The following SLC39A8 variants were observed in gnomAD, a reference collection of about 807,000 sequenced individuals.
SLC39A8 encodes the protein metal cation symporter ZIP8.
SLC39A8 carries 15 observed loss-of-function variants against 40.4 expected under a neutral mutation model. That is an observed-to-expected ratio of 0.37 (90% confidence interval 0.25 to 0.57). SLC39A8 has a LOEUF of 0.57. Ranked by LOEUF, SLC39A8 falls within the 20% of genes least tolerant of loss-of-function variation. The pLI, the probability that SLC39A8 is intolerant of heterozygous loss-of-function variation, is 0.75. For missense variants in SLC39A8, 472 were observed against 558.8 expected, an observed-to-expected ratio of 0.84 and a Z score of 1.57; for synonymous variants, 223 against 221.6, an observed-to-expected ratio of 1.01 and a Z score of -0.06.
intron 6 of SLC39A8, among the ~76,000 whole-genome samples, chr4:102,286,229 G>A (rs946841847): frequency 6.6e-6 from 1 of 152,126 alleles, no homozygotes; most frequent in African/African-American, 2.4e-5. Context: ...TCTTTCTGAT[G>A]AGCAGAATAA....
intron 6 of SLC39A8, among the ~76,000 whole-genome samples, chr4:102,302,369 T>A (rs1427888016): frequency 6.6e-6 from 1 of 151,934 alleles, no homozygotes; most frequent in Admixed American, 6.6e-5. Flanking sequence ...AACCACAATC[T>A]CACTATAATC....
At chr4:102,314,034 C>G (rs76842556) in intron 3 of SLC39A8, among the ~76,000 whole-genome samples, 82 of 152,144 alleles carry the variant, frequency 5.4e-4, no homozygotes, top group African/African-American at 1.8e-3. Context: ...AAAGCAACCA[C>G]GCCAAAAATT....
exon 12 of SLC39A8, chr4:102,251,801 A>T (rs1731598375): frequency 1.3e-5 from 2 of 152,258 alleles, no homozygotes; most frequent in Admixed American, 6.5e-5. Flanking sequence ...CTCATCATTG[A>T]TAGGGAGAAT....
At position 102,262,042 on chromosome 4, in the gene SLC39A8, T is replaced by G; in HGVS notation, c.*1002A>C. 1 of 985,942 alleles carries G rather than the reference T, an allele frequency of 1.0e-6. No homozygotes were observed. Among genetic ancestry groups the G allele is most frequent in the Non-Finnish European group, 1.2e-6 (1 of 829,888 alleles). The allele number at this position is 985,942 out of a possible 1,614,324, so 61.1% of individuals were successfully genotyped here. ...AAGTATAGGCTGAACACAAAGGAAG[T>G]CTTTTCTGAATGGCTCTCGATCACA... On this transcript the variant is annotated 3_prime_UTR_variant, in exon 9 of 9. Transcript: ENST00000356736.
chr4:102,328,889 T>G (rs541554351), intron 2 of SLC39A8, among the ~76,000 whole-genome samples: 16 of 151,682 alleles, frequency 1.1e-4, no homozygotes, highest in South Asian at 4.2e-4. Flanking sequence ...TTAGCTGGGC[T>G]TGGTGGTGGG....
intron 2 of SLC39A8, among the ~76,000 whole-genome samples, chr4:102,341,258 T>C (rs1735928322): frequency 6.6e-6 from 1 of 152,198 alleles, no homozygotes; most frequent in African/African-American, 2.4e-5. Context: ...AAATTCTGAA[T>C]GGAGGCATTT....
chr4:102,270,096 T>C (rs572198465), intron 6 of SLC39A8, among the ~76,000 whole-genome samples: 1 of 152,312 alleles, frequency 6.6e-6, no homozygotes, highest in Non-Finnish European at 1.5e-5. Flanking sequence ...AATGAGATTA[T>C]TTTGAATTAA....
intron 2 of SLC39A8, among the ~76,000 whole-genome samples, chr4:102,316,983 C>A (rs1436603474): frequency 6.6e-6 from 1 of 152,148 alleles, no homozygotes; most frequent in Non-Finnish European, 1.5e-5. Context: ...AAGGAGAGAG[C>A]CCTCACAGAC....
At chr4:102,261,024 T>C (rs991044768), downstream of SLC39A8, among the ~76,000 whole-genome samples, 2 of 152,210 alleles carry the variant, frequency 1.3e-5, no homozygotes, top group Non-Finnish European at 2.9e-5. Context: ...TGTGCATACC[T>C]GGCACAGAAA....
At chr4:102,308,799 G>A (rs917205832) in intron 3 of SLC39A8, among the ~76,000 whole-genome samples, 2 of 152,132 alleles carry the variant, frequency 1.3e-5, no homozygotes, top group Non-Finnish European at 2.9e-5. Flanking sequence ...CATTTGCCAT[G>A]TGCCAGGCCC....
At chr4:102,340,413 C>T (rs1309314227) in intron 2 of SLC39A8, among the ~76,000 whole-genome samples, 2 of 152,162 alleles carry the variant, frequency 1.3e-5, no homozygotes, top group Non-Finnish European at 2.9e-5. Flanking sequence ...ACTTCGACTA[C>T]ACTCTTGAGA....
intron 6 of SLC39A8, among the ~76,000 whole-genome samples, chr4:102,281,283 T>C (rs1166266176): frequency 6.6e-6 from 1 of 151,826 alleles, no homozygotes; most frequent in African/African-American, 2.4e-5. Context: ...TTCCAAAATA[T>C]AGGAATATCT....
intron 5 of SLC39A8, 66 bp from the exon 6 acceptor site, chr4:102,304,547 T>TA: frequency 2.3e-6 from 3 of 1,316,724 alleles, no homozygotes; most frequent in Middle Eastern, 4.0e-4. Context: ...GACAAGGAAA[T>TA]AGAGTTTACT....
intron 6 of SLC39A8, among the ~76,000 whole-genome samples, chr4:102,274,803 T>C (rs1353317840): frequency 2.6e-5 from 4 of 152,234 alleles, no homozygotes; most frequent in African/African-American, 9.6e-5. Flanking sequence ...ATATTCAACA[T>C]TCTTAAATAA....
intron 3 of SLC39A8, among the ~76,000 whole-genome samples, chr4:102,310,568 T>C (rs958027533): frequency 1.3e-5 from 2 of 152,142 alleles, no homozygotes; most frequent in Non-Finnish European, 2.9e-5. Flanking sequence ...TCTTTGCCCT[T>C]GCACATTTAT....
intron 6 of SLC39A8, among the ~76,000 whole-genome samples, chr4:102,268,556 A>G (rs1732210557): frequency 6.6e-6 from 1 of 152,246 alleles, no homozygotes; most frequent in Non-Finnish European, 1.5e-5. Context: ...TGTGACAGGG[A>G]GCAAGTTATC....
chr4:102,259,097 G>C (rs1004925915), downstream of SLC39A8, among the ~76,000 whole-genome samples: 5 of 152,204 alleles, frequency 3.3e-5, no homozygotes, highest in Non-Finnish European at 7.3e-5. Flanking sequence ...CGCAGTGTCT[G>C]TGAGGTCTGC....
chr4:102,333,307 G>A (rs959730871), intron 2 of SLC39A8, among the ~76,000 whole-genome samples: 1 of 152,122 alleles, frequency 6.6e-6, no homozygotes, highest in Non-Finnish European at 1.5e-5. Flanking sequence ...CTTACAGCAT[G>A]CCAGGCAAAA....
At chr4:102,289,272 T>C (rs1021139549) in intron 6 of SLC39A8, among the ~76,000 whole-genome samples, 5 of 152,180 alleles carry the variant, frequency 3.3e-5, no homozygotes, top group African/African-American at 1.2e-4. Context: ...TTCAGTCCAC[T>C]GTTGGGACCT....
Sources: allele counts gnomAD v4.1 joint callset (sites outside exome capture counted in the v4.1 genomes callset), GRCh38; gene constraint gnomAD v4.1.1; transcripts MANE v1.5; gene names NCBI Gene and HGNC (gene_info 2026-07-23, HGNC 2026-07-21).